TECPR2: variants seen among roughly 807,000 people sequenced by gnomAD.
TECPR2 encodes the protein tectonin beta-propeller repeat containing 2.
A neutral mutation model predicts 138.1 loss-of-function variants in TECPR2; 65 were observed. That is an observed-to-expected ratio of 0.47 (90% CI 0.39 to 0.58). TECPR2 has a LOEUF of 0.58. Ranked by LOEUF, TECPR2 falls within the 20% of genes least tolerant of loss-of-function variation. TECPR2 has a pLI of 0.00. For missense variants in TECPR2, 1,553 were observed against 1,824.5 expected, an observed-to-expected ratio of 0.85 and a Z score of 2.71; for synonymous variants, 746 against 749.8, an observed-to-expected ratio of 0.99 and a Z score of 0.08.
chr14:102,369,499 C>T (rs1350526607), intron 1 of TECPR2, among the ~76,000 whole-genome samples: 2 of 152,094 alleles, frequency 1.3e-5, no homozygotes, highest in Non-Finnish European at 2.9e-5. Context: ...ATGGATCCTC[C>T]AGGTTCAGTC....
intron 5 of TECPR2, among the ~76,000 whole-genome samples, chr14:102,423,270 TA>T (rs1159664992): frequency 6.6e-6 from 1 of 152,066 alleles, no homozygotes; most frequent in East Asian, 1.9e-4. Flanking sequence ...CCATCTCTAC[TA>T]AAAATACACA....
intron 8 of TECPR2, among the ~76,000 whole-genome samples, chr14:102,433,480 A>T (rs911660631): frequency 6.6e-6 from 1 of 151,226 alleles, no homozygotes; most frequent in Non-Finnish European, 1.5e-5. Flanking sequence ...AAAGGACAAG[A>T]TTTCATTCTT....
intron 17 of TECPR2, among the ~76,000 whole-genome samples, chr14:102,470,376 C>T (rs996496134): frequency 2.6e-5 from 4 of 151,350 alleles, no homozygotes; most frequent in Non-Finnish European, 5.9e-5. Context: ...GGCGCGATCT[C>T]GGCCCACTGC....
rs1314809231 is a variant in TECPR2 at position 102,415,070 on chromosome 14, CAG to C, written c.638+278_638+279del. On this transcript the variant is annotated intron_variant, in intron 5 of 19. Coordinates refer to ENST00000359520, the MANE Select transcript of TECPR2 (RefSeq NM_014844.5). This position sits in a 1 kb window ranked among gnomAD's most constrained non-coding sequence, Gnocchi z 4.3. ...TGCCACAGTCAGCGCAGAGAAGCCTCAGGGGTGGCCTGGTCTATCTGTTCCTT... is the reference window on the plus strand; with the variant it reads ...TGCCACAGTCAGCGCAGAGAAGCCTCGGGTGGCCTGGTCTATCTGTTCCTT... 2.0e-5 allele frequency among the ~76,000 whole-genome samples: 3 copies of C among 152,168 alleles called. No individual in the cohort carries two copies. Among genetic ancestry groups the C allele is most frequent in the African/African-American group, 4.8e-5 (2 of 41,438 alleles).
intron 2 of TECPR2, among the ~76,000 whole-genome samples, chr14:102,394,355 C>G (rs1219955914): frequency 6.6e-6 from 1 of 152,156 alleles, no homozygotes; most frequent in East Asian, 1.9e-4. Context: ...CCTGTAATCC[C>G]AGCACTTTGG....
At position 102,407,482 on chromosome 14, in the gene TECPR2, C is replaced by G; in HGVS notation, c.348+16C>G. 3 of 1,595,858 alleles carry G rather than the reference C, an allele frequency of 1.9e-6. No homozygotes were observed. The highest frequency in any genetic ancestry group is 1.1e-5 in the South Asian group (1 of 87,728). ...AAATAAACAGGTGAGTACTCATGATCTTAACACGTGTTAACTTCTTGGCAC... is the reference window on the plus strand; with the variant it reads ...AAATAAACAGGTGAGTACTCATGATGTTAACACGTGTTAACTTCTTGGCAC... On this transcript the variant is annotated intron_variant, in intron 3 of 19. Transcript: ENST00000359520.
At chr14:102,480,737 C>G (rs1890872974) in intron 17 of TECPR2, among the ~76,000 whole-genome samples, 1 of 150,560 alleles carries the variant, frequency 6.6e-6, no homozygotes, top group African/African-American at 2.4e-5. Context: ...AGGCTGGTGT[C>G]AAACTACTGG....
chr14:102,384,507 T>C (rs1029014012), intron 2 of TECPR2, among the ~76,000 whole-genome samples: 14 of 151,316 alleles, frequency 9.3e-5, no homozygotes, highest in Non-Finnish European at 1.2e-4. Context: ...TGAAACCCCA[T>C]CTCTACTAAA....
At chr14:102,418,933 G>A (rs554175339) in intron 5 of TECPR2, among the ~76,000 whole-genome samples, 26 of 152,262 alleles carry the variant, frequency 1.7e-4, no homozygotes, top group African/African-American at 5.5e-4. Flanking sequence ...TTGACGCAGA[G>A]AATCCTGGAG....
intron 13 of TECPR2, among the ~76,000 whole-genome samples, chr14:102,447,373 C>T (rs1890010920): frequency 2.0e-5 from 3 of 152,058 alleles, no homozygotes; most frequent in South Asian, 4.2e-4. Context: ...CCTCCCAAAG[C>T]GCTGGGATTA....
At chr14:102,492,685 C>G (rs1025829738) in intron 17 of TECPR2, among the ~76,000 whole-genome samples, 1 of 152,136 alleles carries the variant, frequency 6.6e-6, no homozygotes, top group Admixed American at 6.5e-5. Context: ...AGGGGCCCTT[C>G]CCAGAGGCCT....
chr14:102,410,942 A>T (rs1185601407), intron 4 of TECPR2, among the ~76,000 whole-genome samples: 2 of 152,420 alleles, frequency 1.3e-5, no homozygotes, highest in South Asian at 4.1e-4. Context: ...CTCTCTAATC[A>T]GATATCCTGA....
At chr14:102,459,876 A>G (rs1329882479) in intron 16 of TECPR2, among the ~76,000 whole-genome samples, 2 of 152,234 alleles carry the variant, frequency 1.3e-5, no homozygotes, top group Non-Finnish European at 1.5e-5. Flanking sequence ...AGCCTTGGAC[A>G]GCATGACCTC....
intron 17 of TECPR2, among the ~76,000 whole-genome samples, chr14:102,480,931 G>A (rs186514991): frequency 4.0e-5 from 5 of 123,898 alleles, no homozygotes; most frequent in African/African-American, 9.2e-5. Context: ...TGCAACCTCC[G>A]CCTCTTGGGT....
Position 102,434,930 on chromosome 14 carries a change from GAC to G in TECPR2, c.2117_2118del (p.Thr706ArgfsTer9). On this transcript the variant is annotated frameshift_variant, in exon 9 of 20. Transcript: ENST00000359520. LOFTEE classifies it high-confidence loss of function. ...TCTCTGGCATGCTGTCACTGATGATGACACAGGTCAGAAAGAAATACCCATTT... is the reference window on the plus strand; with the variant it reads ...TCTCTGGCATGCTGTCACTGATGATGACAGGTCAGAAAGAAATACCCATTT... ...TNLWHAVTDD[D>X]TGQKEIPISE... is the part of the protein sequence containing the mutation. 6.2e-7 allele frequency: 1 copy of G among 1,613,880 alleles called. No individual in the cohort carries two copies. The highest frequency in any genetic ancestry group is 2.2e-5 in the East Asian group (1 of 44,884).
chr14:102,449,835 G>C lies in TECPR2; in HGVS notation c.3282G>C (p.Lys1094Asn). ...NNSGVWISSG[K>N]NEFHVAKGSL... ...GCGGTGTCTGGATCTCCTCGGGCAA[G>C]AATGAATTCCACGTCGCTAAGGGAA... The change falls in exon 14 of 20, where the codon AAG becomes AAC. Residue 1094 changes from lysine to asparagine, a missense_variant. By Grantham distance (94) the Lys-to-Asn change is moderately conservative. Coordinates refer to ENST00000359520, the MANE Select transcript of TECPR2 (RefSeq NM_014844.5). 1 of 1,614,072 alleles carries C rather than the reference G, an allele frequency of 6.2e-7. No individual in the cohort carries two copies. Among genetic ancestry groups the C allele is most frequent in the Non-Finnish European group, 8.5e-7 (1 of 1,180,042 alleles).
rs1002656276 is a variant in TECPR2, at chr14:102,409,874, G to C, written c.480+1255G>C. Among the ~76,000 whole-genome samples, 5 of 152,116 alleles carry C rather than the reference G, an allele frequency of 3.3e-5. No individual in the cohort carries two copies. The East Asian group carries it at 9.7e-4, about 29-fold the overall frequency. ...GGCTGGAGTGCAGTGGCGCGATCTC[G>C]GCTCACTGCAACCTCCGCCTCCCGG... is the stretch of plus-strand genomic sequence containing the variant. On this transcript the variant is annotated intron_variant, in intron 4 of 19. Transcript: ENST00000359520.
chr14:102,458,966 C>CATATATATATAT (rs3068229), intron 16 of TECPR2, among the ~76,000 whole-genome samples: 10 of 138,376 alleles, frequency 7.2e-5, no homozygotes, highest in Middle Eastern at 3.6e-3. Context: ...AAAATACACA[C>CATATATATATAT]ATATATATAT....
At chr14:102,387,925 A>G (rs1359600291) in intron 2 of TECPR2, among the ~76,000 whole-genome samples, 9 of 152,214 alleles carry the variant, frequency 5.9e-5, no homozygotes, top group Admixed American at 5.9e-4. Flanking sequence ...CCATACTGAC[A>G]TGTCTGTATT....
Sources: gnomAD v4.1 joint callset for allele counts (sites outside exome capture counted in the v4.1 genomes callset) on GRCh38, gnomAD v4.1.1 for gene constraint, Gnocchi (gnomAD v3.1) non-coding constraint, MANE v1.5 for transcripts, NCBI Gene and HGNC (gene_info 2026-07-23, HGNC 2026-07-21) for gene names.